The following PAX7 variants were observed in gnomAD, a reference collection of about 807,000 sequenced individuals.
The protein encoded by PAX7 is paired box 7.
Under a neutral mutation model 50.7 loss-of-function variants are expected in PAX7, and 18 were observed. That is an observed-to-expected ratio of 0.36 (90% confidence interval 0.25 to 0.53). The LOEUF is 0.53. Ranked by LOEUF, PAX7 falls within the 20% of genes least tolerant of loss-of-function variation. The probability of loss-of-function intolerance (pLI) is 0.93; values close to 1 mark genes in which losing one functional copy is unlikely to be tolerated. For missense variants in PAX7, 644 were observed against 702.9 expected (o/e 0.92, Z 0.95); for synonymous variants, 310 against 290.4 (o/e 1.07, Z -0.69).
intron 4 of PAX7, among the ~76,000 whole-genome samples, chr1:18,662,589 GAGAC>G (rs1325249683): frequency 1.3e-5 from 2 of 151,884 alleles, no homozygotes; most frequent in Admixed American, 6.6e-5. Context: ...TTTTTGTTTT[GAGAC>G]AGAGTCTCAC....
chr1:18,674,489 G>A (rs1278156861), intron 4 of PAX7, among the ~76,000 whole-genome samples: 3 of 152,082 alleles, frequency 2.0e-5, no homozygotes, highest in East Asian at 1.9e-4. Context: ...TTCAGAGCCC[G>A]GAGCAGGCAG....
intron 4 of PAX7, among the ~76,000 whole-genome samples, chr1:18,664,311 C>T (rs542796631): frequency 6.6e-6 from 1 of 152,354 alleles, no homozygotes; most frequent in South Asian, 2.1e-4. Flanking sequence ...GTAGTGACCT[C>T]TCTCCTGGCC....
intron 7 of PAX7, among the ~76,000 whole-genome samples, chr1:18,703,693 G>T (rs1295128098): frequency 6.6e-6 from 1 of 152,214 alleles, no homozygotes; most frequent in Non-Finnish European, 1.5e-5. Flanking sequence ...GGTGGTTATT[G>T]GTGAGTTTGG....
intron 8 of PAX7, among the ~76,000 whole-genome samples, chr1:18,738,034 A>AG (rs745779370): frequency 1.3e-5 from 2 of 152,148 alleles, no homozygotes; most frequent in Admixed American, 1.3e-4. Context: ...GTGTGTAAAT[A>AG]GGGGTGAGTG....
intron 4 of PAX7, among the ~76,000 whole-genome samples, chr1:18,643,788 C>T (rs1294526945): frequency 3.3e-5 from 5 of 152,222 alleles, no homozygotes; most frequent in African/African-American, 1.2e-4. Context: ...CGGCTCGCTG[C>T]GATCCTGCCG....
chr1:18,645,448 G>T (rs78026179), intron 4 of PAX7, among the ~76,000 whole-genome samples: 3,575 of 152,314 alleles, frequency 0.023, 92 homozygotes, highest in East Asian at 0.13. Context: ...AACTTTTCTG[G>T]GTCCTTTCCA....
At chr1:18,644,655 T>A (rs1386507400) in intron 4 of PAX7, among the ~76,000 whole-genome samples, 1 of 152,020 alleles carries the variant, frequency 6.6e-6, no homozygotes, top group Non-Finnish European at 1.5e-5. Context: ...ATCAGGAAGC[T>A]CAAAATGAGG....
chr1:18,674,007 A>C (rs1310154072), intron 4 of PAX7, among the ~76,000 whole-genome samples: 1 of 152,246 alleles, frequency 6.6e-6, no homozygotes, highest in Non-Finnish European at 1.5e-5. Flanking sequence ...TAATGAAATT[A>C]TTGTACAAAA....
intron 4 of PAX7, among the ~76,000 whole-genome samples, chr1:18,675,661 G>A (rs948875909): frequency 3.3e-5 from 5 of 152,176 alleles, no homozygotes; most frequent in Admixed American, 2.0e-4. Flanking sequence ...GCCGAAATGA[G>A]CCCCCGGCTG....
rs771316977 is a variant in PAX7, at chr1:18,636,294, A to C, written c.509A>C (p.Glu170Ala). 1 of 1,614,176 alleles carries C rather than the reference A, an allele frequency of 6.2e-7. No individual in the cohort carries two copies. The highest frequency in any genetic ancestry group is 8.5e-7 in the Non-Finnish European group (1 of 1,179,992). ...LRIKFGKKEEEDEADKKEDDG... is the reference protein window; with the variant it reads ...LRIKFGKKEEADEADKKEDDG... ...ATCAAGTTCGGGAAGAAAGAGGAGG[A>C]GGATGAAGCGGACAAGAAGGAGGAC... Residue 170 changes from glutamate (E) to alanine (A), a missense_variant, in exon 4 of 9, where the codon GAG becomes GCG. Physicochemically the swap from Glu to Ala is moderately radical, Grantham distance 107. Transcript: ENST00000420770. This position sits in a 1 kb window ranked among gnomAD's most constrained non-coding sequence, Gnocchi z 5.1.
chr1:18,734,859 G>A (rs1048994894), intron 7 of PAX7, among the ~76,000 whole-genome samples: 6 of 152,168 alleles, frequency 3.9e-5, no homozygotes, highest in African/African-American at 1.4e-4. Flanking sequence ...GAGTAAACAA[G>A]TGAACATCCC....
chr1:18,698,661 T>C (rs892759048), intron 5 of PAX7, among the ~76,000 whole-genome samples: 2 of 152,246 alleles, frequency 1.3e-5, no homozygotes, highest in Admixed American at 1.3e-4. Context: ...CTTGCAGGGC[T>C]CCCTCCAGCA....
intron 7 of PAX7, among the ~76,000 whole-genome samples, chr1:18,704,346 C>T (rs565949814): frequency 3.6e-4 from 55 of 152,288 alleles, no homozygotes; most frequent in African/African-American, 1.2e-3. Flanking sequence ...TAAGGCCGAG[C>T]GTGGTGGCTC....
chr1:18,679,124 C>T (rs1489967267), intron 4 of PAX7, among the ~76,000 whole-genome samples: 1 of 152,182 alleles, frequency 6.6e-6, no homozygotes, highest in Non-Finnish European at 1.5e-5. Context: ...GCCTTCACAC[C>T]CAGCCCCACT....
intron 4 of PAX7, among the ~76,000 whole-genome samples, chr1:18,645,869 C>A (rs1251476647): frequency 6.6e-6 from 1 of 152,216 alleles, no homozygotes; most frequent in African/African-American, 2.4e-5. Flanking sequence ...GTCTCCCGCA[C>A]TTTCTTGTAA....
intron 4 of PAX7, among the ~76,000 whole-genome samples, chr1:18,661,864 G>A (rs1166574663): frequency 2.0e-5 from 3 of 152,232 alleles, no homozygotes; most frequent in Non-Finnish European, 2.9e-5. Context: ...GGCGGAGGGC[G>A]CCGGGAGGGG....
rs562231642 is a variant in PAX7, at chr1:18,685,939, C to T, written c.587-5815C>T. Among the ~76,000 whole-genome samples the T allele has an allele frequency of 3.3e-5, 5 of 152,306 alleles. No homozygotes were observed. The South Asian group carries it at 1.0e-3, about 32-fold the overall frequency. ...TCACCATCACCATCACCATCACCAC[C>T]ATCACCTCAGCCTGGGCCGGACTTT... On this transcript the variant is annotated intron_variant, in intron 4 of 8. Transcript: ENST00000420770.
intron 4 of PAX7, among the ~76,000 whole-genome samples, chr1:18,642,426 G>A (rs561499236): frequency 3.3e-5 from 5 of 152,286 alleles, no homozygotes; most frequent in Non-Finnish European, 7.4e-5. Flanking sequence ...ACAGAGGAGA[G>A]ACCCCCAAAG....
At chr1:18,682,658 C>T (rs571830380) in intron 4 of PAX7, among the ~76,000 whole-genome samples, 2 of 152,292 alleles carry the variant, frequency 1.3e-5, no homozygotes, top group South Asian at 2.1e-4. Flanking sequence ...TGAGCTGCCA[C>T]CCCCTCCTCT....
Sources: allele counts gnomAD v4.1 joint callset (sites outside exome capture counted in the v4.1 genomes callset), GRCh38; gene constraint gnomAD v4.1.1; non-coding constraint Gnocchi (gnomAD v3.1); transcripts MANE v1.5; gene names NCBI Gene and HGNC (gene_info 2026-07-23, HGNC 2026-07-21).